The following CCDC187 variants were observed in gnomAD, a reference collection of about 807,000 sequenced individuals.
CCDC187 encodes coiled-coil domain-containing protein 187.
Under a neutral mutation model 38.0 loss-of-function variants are expected in CCDC187, and 32 were observed. That is an observed-to-expected ratio of 0.84 (90% CI 0.64 to 1.13). The LOEUF (loss-of-function observed/expected upper bound fraction) is 1.13, where lower values mean the gene tolerates loss of function less well. Among genes scored for constraint, CCDC187 ranks in the 50% most tolerant of loss-of-function variants. The pLI, the probability that CCDC187 is intolerant of heterozygous loss-of-function variation, is 0.00. For synonymous variants in CCDC187, 333 were observed against 347.9 expected, an observed-to-expected ratio of 0.96 and a Z score of 0.48; for missense variants, 707 against 786.8, an observed-to-expected ratio of 0.90 and a Z score of 1.21.
intron 4 of CCDC187, among the ~76,000 whole-genome samples, chr9:136,295,474 T>C: frequency 6.6e-6 from 1 of 152,382 alleles, no homozygotes; most frequent in Non-Finnish European, 1.5e-5. Context: ...GTCAAAGTTC[T>C]GGGGCCGACC....
chr9:136,263,568 G>GGGAAGGGGAC (rs1276417477), intron 18 of CCDC187, 54 bp downstream of exon 18: 2 of 981,024 alleles, frequency 2.0e-6, no homozygotes, highest in Non-Finnish European at 2.4e-6. Flanking sequence ...GCACGATCAT[G>GGGAAGGGGAC]GGAAGGGGAC....
chr9:136,260,589 C>T (rs571452953), intron 19 of CCDC187, among the ~76,000 whole-genome samples: 4 of 152,006 alleles, frequency 2.6e-5, no homozygotes, highest in African/African-American at 9.6e-5. Context: ...AGGCACCCCC[C>T]CATCTGACTC....
chr9:136,300,613 T>C lies in CCDC187; in HGVS notation c.626-295A>G, dbSNP rs1354306932. Reference sequence around the variant, plus strand: ...ATTTCAAAAGACTTTTTTTTTTTTTTCTGAGGCGGAGACTAGCTCTGTCGC... The same window carrying C: ...ATTTCAAAAGACTTTTTTTTTTTTTCCTGAGGCGGAGACTAGCTCTGTCGC... On this transcript the variant is annotated intron_variant, in intron 2 of 25. Coordinates refer to ENST00000638797, the MANE Select transcript of CCDC187 (RefSeq NM_001378188.1). Among the ~76,000 whole-genome samples, 101 of 129,750 alleles carry C rather than the reference T, an allele frequency of 7.8e-4. 1 individual carries two copies. Among genetic ancestry groups the C allele is most frequent in the African/African-American group, 2.5e-3 (86 of 34,594 alleles). The allele number at this position is 129,750 out of a possible 152,430, so 85.1% of individuals were successfully genotyped here.
In CCDC187 at chr9:136,267,680, T is replaced by A. The variant is rs1243579612; in HGVS notation, c.3520-169A>T. ...GGACTGCCCGCCCCTCCCATCCCCC[T>A]ATGCCGCCCTCGCTTCCCCGACTGT... On this transcript the variant is annotated intron_variant, in intron 15 of 25. Coordinates refer to ENST00000638797, the MANE Select transcript of CCDC187 (RefSeq NM_001378188.1). 7 of 907,194 alleles carry A rather than the reference T, an allele frequency of 7.7e-6. No homozygotes were observed. In the East Asian group the frequency reaches 7.4e-4, roughly 95 times the overall value. 56.2% of individuals were successfully genotyped at this position (907,194 alleles called of 1,614,324 possible).
intron 17 of CCDC187, among the ~76,000 whole-genome samples, chr9:136,265,307 G>C (rs1554761471): frequency 6.6e-6 from 1 of 152,136 alleles, no homozygotes; most frequent in Admixed American, 6.5e-5. Flanking sequence ...TTCCCTGGGG[G>C]TCTGCTTCCT....
intron 4 of CCDC187, among the ~76,000 whole-genome samples, chr9:136,293,525 A>ACT (rs1480407762): frequency 0.33 from 36,169 of 108,778 alleles, 5,186 homozygotes; most frequent in East Asian, 0.41. Context: ...ATGCTCACAT[A>ACT]CACGCTTACA....
Position 136,267,351 on chromosome 9 carries a change from G to A in CCDC187, c.3647+33C>T, listed in dbSNP as rs190983645. 280 of 983,070 alleles carry A rather than the reference G, an allele frequency of 2.8e-4. 1 individual carries two copies. In the African/African-American group the frequency reaches 4.5e-3, roughly 16 times the overall value. 60.9% of individuals were successfully genotyped at this position (983,070 alleles called of 1,614,324 possible). A position where few individuals can be genotyped will look rare whatever the true frequency, so the allele number is the denominator to read the frequency against. On this transcript the variant is annotated intron_variant, in intron 16 of 25. Transcript: ENST00000638797. ...GGCTACAGCAGGGCGGGGCTACGGCGGGGCGGGGCCGGCGCCAGGCGCATG... is the reference window on the plus strand; with the variant it reads ...GGCTACAGCAGGGCGGGGCTACGGCAGGGCGGGGCCGGCGCCAGGCGCATG...
chr9:136,293,301 A>G (rs1479196003), intron 4 of CCDC187, among the ~76,000 whole-genome samples: 2 of 149,828 alleles, frequency 1.3e-5, no homozygotes, highest in East Asian at 2.0e-4. Flanking sequence ...ACTCACAAAC[A>G]CATGTTCACA....
In CCDC187 at chr9:136,265,261, C is replaced by CT. The variant is rs1429389033; in HGVS notation, c.3735+694dup. On this transcript the variant is annotated intron_variant, in intron 17 of 25. Coordinates refer to ENST00000638797, the MANE Select transcript of CCDC187 (RefSeq NM_001378188.1). ...GCAGGCAAAGCCCTGACTCTGGCAG[C>CT]TTTTCCCCCCTCCACATGTGCCCCC... is the stretch of plus-strand genomic sequence containing the variant. 2.6e-5 allele frequency among the ~76,000 whole-genome samples: 4 copies of CT among 152,328 alleles called. No homozygotes were observed. The South Asian group carries it at 6.2e-4, about 24-fold the overall frequency.
chr9:136,262,234 C>T (rs947844115), intron 19 of CCDC187, 77 bp downstream of exon 19: 32 of 983,438 alleles, frequency 3.3e-5, no homozygotes, highest in Non-Finnish European at 3.6e-5. Context: ...ACCGGCCACC[C>T]GGGGCAGAAA....
Position 136,301,680 on chromosome 9 carries a change from G to T in CCDC187, c.625+1132C>A, listed in dbSNP as rs1831688152. 5.4e-5 allele frequency among the ~76,000 whole-genome samples: 8 copies of T among 147,116 alleles called. No homozygotes were observed. The South Asian group carries it at 1.7e-3, about 31-fold the overall frequency. ...CGACTCACTGCAAGCTCCGCCTCCTGGATTCACGCCATTCTCCTGCCTCAG... is the reference window on the plus strand; with the variant it reads ...CGACTCACTGCAAGCTCCGCCTCCTTGATTCACGCCATTCTCCTGCCTCAG... On this transcript the variant is annotated intron_variant, in intron 2 of 25. Coordinates refer to ENST00000638797, the MANE Select transcript of CCDC187 (RefSeq NM_001378188.1).
intron 8 of CCDC187, 140 bp downstream of exon 8, chr9:136,285,945 G>C (rs1831168932): frequency 2.5e-6 from 1 of 397,346 alleles, no homozygotes; most frequent in South Asian, 1.4e-4. Flanking sequence ...ATGCTGCTCA[G>C]ACCCCCTGGA....
At chr9:136,293,365 ATGCTC>A (rs1831409341) in intron 4 of CCDC187, among the ~76,000 whole-genome samples, 6 of 141,766 alleles carry the variant, frequency 4.2e-5, no homozygotes, top group Non-Finnish European at 7.8e-5. Flanking sequence ...ACACATTCAC[ATGCTC>A]ACACACTCAC....
rs991554901 is a variant in CCDC187, at chr9:136,260,162, G to T, written c.4167C>A (p.Asp1389Glu). ...CACTCTCCACCAGCGGGCCCTGGGG[G>T]TCGTGTGTGTCCTCGCCCCATGCTG... ...PRPAWGEDTHDPQGPLVESGS... is the reference protein window; with the variant it reads ...PRPAWGEDTHEPQGPLVESGS... Residue 1389 changes from aspartate to glutamate, a missense_variant, in exon 20 of 26, where the codon GAC becomes GAA. Coordinates refer to ENST00000638797, the MANE Select transcript of CCDC187 (RefSeq NM_001378188.1). 6 of 985,422 alleles carry T rather than the reference G, an allele frequency of 6.1e-6. No homozygotes were observed. The highest frequency in any genetic ancestry group is 1.1e-4 in the East Asian group (1 of 8,800). The allele number at this position is 985,422 out of a possible 1,614,324, so 61.0% of individuals were successfully genotyped here.
At chr9:136,259,909 G>A (rs550344236) in intron 20 of CCDC187, among the ~76,000 whole-genome samples, 126 of 152,314 alleles carry the variant, frequency 8.3e-4, no homozygotes, top group Admixed American at 1.1e-3. Flanking sequence ...GCCAGTGCAC[G>A]GGGTGGCCCG....
chr9:136,294,120 TCACACTC>T (rs1831472448), intron 4 of CCDC187, among the ~76,000 whole-genome samples: 1 of 52,158 alleles, frequency 1.9e-5, no homozygotes, highest in Non-Finnish European at 3.8e-5. Flanking sequence ...TCACACACTC[TCACACTC>T]ATACACACGC....
intron 9 of CCDC187, 34 bp from the exon 10 acceptor site, chr9:136,281,697 G>A: frequency 2.5e-6 from 1 of 398,680 alleles, no homozygotes; most frequent in Non-Finnish European, 4.4e-6. Flanking sequence ...GGCAGGGCCA[G>A]GCCCGTGGAG....
intron 3 of CCDC187, among the ~76,000 whole-genome samples, chr9:136,299,409 C>A (rs1003100716): frequency 9.2e-5 from 14 of 152,306 alleles, no homozygotes; most frequent in Non-Finnish European, 2.1e-4. Flanking sequence ...ACTGTCCCCA[C>A]AAAAACGCAC....
chr9:136,303,450 G>A (rs2131373081), intron 1 of CCDC187, among the ~76,000 whole-genome samples, 157 bp from the exon 2 acceptor site: 1 of 152,346 alleles, frequency 6.6e-6, no homozygotes, highest in African/African-American at 2.4e-5. Flanking sequence ...GACAGCCCCG[G>A]CATTCTCTCT....
Sources: allele counts gnomAD v4.1 joint callset (sites outside exome capture counted in the v4.1 genomes callset), GRCh38; gene constraint gnomAD v4.1.1; transcripts MANE v1.5; gene names NCBI Gene and HGNC (gene_info 2026-07-23, HGNC 2026-07-21).